YLPM1: variants seen among roughly 807,000 people sequenced by gnomAD.
YLPM1 encodes YLP motif-containing protein 1.
YLPM1 carries 99 observed loss-of-function variants against 230.0 expected under a neutral mutation model. The ratio of observed to expected loss-of-function variants is 0.43; its 90% CI spans 0.37 to 0.51. The LOEUF is 0.51. Ranked by LOEUF, YLPM1 falls within the 20% of genes least tolerant of loss-of-function variation. The pLI, the probability that YLPM1 is intolerant of heterozygous loss-of-function variation, is 0.00. For missense variants in YLPM1, 2,592 were observed against 2,707.7 expected (o/e 0.96, Z 0.95); for synonymous variants, 984 against 942.5 (o/e 1.04, Z -0.81).
chr14:74,794,599 CT>C (rs57279878), intron 4 of YLPM1, among the ~76,000 whole-genome samples: 28 of 149,726 alleles, frequency 1.9e-4, no homozygotes, highest in African/African-American at 6.6e-4. Context: ...CACACAAAGT[CT>C]TTTTTTTTTG....
intron 1 of YLPM1, among the ~76,000 whole-genome samples, chr14:74,772,002 C>G (rs1250614907): frequency 6.6e-6 from 1 of 152,116 alleles, no homozygotes; most frequent in East Asian, 1.9e-4. Context: ...CTCCCTGCCC[C>G]CTGCTTTAGA....
Position 74,782,125 on chromosome 14 carries a change from A to C in YLPM1, c.2082A>C (p.Pro694=). 5 of 1,613,866 alleles carry C rather than the reference A, an allele frequency of 3.1e-6. No homozygotes were observed. The highest frequency in any genetic ancestry group is 3.4e-6 in the Non-Finnish European group (4 of 1,179,850). The part of the protein sequence containing the change: ...TYHPPLQSAG[P]SEQVNSKAPL... ...ATCCTCCGTTGCAATCAGCTGGTCC[A>C]TCAGAACAAGTGAATTCAAAAGCTC... Residue 694 remains proline, a synonymous_variant, in exon 4 of 21, where the codon CCA becomes CCC. Coordinates refer to ENST00000325680, the MANE Select transcript of YLPM1 (RefSeq NM_019589.3).
In YLPM1 at chr14:74,780,464, GCAGCAGCAC is replaced by G; in HGVS notation, c.1179_1187del (p.Gln394_His396del). The G allele has an allele frequency of 6.2e-7, 1 of 1,613,922 alleles. No homozygotes were observed. ...AGTTGCAGGCTGCAGCAGCACACTG[GCAGCAGCAC>G]CAGCAGCATCGAGTCGGTTTCCAGT... is the stretch of plus-strand genomic sequence containing the variant. On this transcript the variant is annotated inframe_deletion, in exon 3 of 21. Coordinates refer to ENST00000325680, the MANE Select transcript of YLPM1 (RefSeq NM_019589.3).
At chr14:74,822,377 G>A (rs2091528779) in intron 17 of YLPM1, among the ~76,000 whole-genome samples, 1 of 152,132 alleles carries the variant, frequency 6.6e-6, no homozygotes, top group Non-Finnish European at 1.5e-5. Context: ...TTGCTTAGGT[G>A]TAGGTCAAAA....
At chr14:74,828,989 A>G (rs563292239) in intron 18 of YLPM1, among the ~76,000 whole-genome samples, 2 of 152,330 alleles carry the variant, frequency 1.3e-5, no homozygotes, top group East Asian at 3.9e-4. Context: ...TCTTAAACCA[A>G]CATCGTAAAC....
At chr14:74,830,709 G>C (rs1469501578) in intron 19 of YLPM1, among the ~76,000 whole-genome samples, 1 of 152,180 alleles carries the variant, frequency 6.6e-6, no homozygotes, top group East Asian at 1.9e-4. Flanking sequence ...CTTCAATTAT[G>C]GTGGAAGACA....
chr14:74,770,896 A>G (rs2140072595), intron 1 of YLPM1, among the ~76,000 whole-genome samples: 1 of 152,342 alleles, frequency 6.6e-6, no homozygotes, highest in East Asian at 1.9e-4. Context: ...GAGAATAGTT[A>G]TTGAAGTAAT....
chr14:74,814,909 T>A (rs1361169224), intron 11 of YLPM1, among the ~76,000 whole-genome samples: 2 of 152,242 alleles, frequency 1.3e-5, no homozygotes, highest in African/African-American at 2.4e-5. Flanking sequence ...TTGTTATAGG[T>A]CTATTCAGAT....
chr14:74,793,871 G>A (rs1055939687), intron 4 of YLPM1, among the ~76,000 whole-genome samples: 2 of 152,166 alleles, frequency 1.3e-5, no homozygotes, highest in Admixed American at 1.3e-4. Flanking sequence ...TTAGCCCCAA[G>A]TTTTACTCCT....
In YLPM1 at chr14:74,763,811, C is replaced by G; in HGVS notation, c.322C>G (p.Pro108Ala). ...CTGGCAGCCGCCACCGCCACCGATG[C>G]CCCCGCCACCCGGGCCGGCCCTCAG... ...GDWQPPPPPM[P>A]PPPGPALSYQ... Residue 108 changes from proline to alanine, a missense_variant, in exon 1 of 21, where the codon CCC becomes GCC. Coordinates refer to ENST00000325680, the MANE Select transcript of YLPM1 (RefSeq NM_019589.3). 1 of 1,509,632 alleles carries G rather than the reference C, an allele frequency of 6.6e-7. No individual in the cohort carries two copies. The highest frequency in any genetic ancestry group is 8.9e-7 in the Non-Finnish European group (1 of 1,128,942). 93.5% of individuals were successfully genotyped at this position (1,509,632 alleles called of 1,614,324 possible).
At chr14:74,834,704 G>T (rs970397241) in intron 19 of YLPM1, among the ~76,000 whole-genome samples, 2 of 152,188 alleles carry the variant, frequency 1.3e-5, no homozygotes, top group African/African-American at 4.8e-5. Context: ...GAAATGGTGC[G>T]ATGCGCTCTG....
rs892231564 is a variant in YLPM1 at position 74,809,231 on chromosome 14, T to G, written c.4522-149T>G. 3.9e-5 allele frequency: 40 copies of G among 1,031,450 alleles called. No individual in the cohort carries two copies. In the African/African-American group the frequency reaches 4.2e-4, roughly 11 times the overall value. The allele number at this position is 1,031,450 out of a possible 1,614,324, so 63.9% of individuals were successfully genotyped here. Reference sequence around the variant, plus strand: ...CTTTCTGTGGCTTGTCCTCATTTTTTTTGATGGTATGTTTTGAAGCACGAA... The same window carrying G: ...CTTTCTGTGGCTTGTCCTCATTTTTGTTGATGGTATGTTTTGAAGCACGAA... On this transcript the variant is annotated intron_variant, in intron 6 of 20. Coordinates refer to ENST00000325680, the MANE Select transcript of YLPM1 (RefSeq NM_019589.3).
Position 74,765,258 on chromosome 14 carries a change from T to C in YLPM1, c.873+896T>C, listed in dbSNP as rs550656591. 3.1e-4 allele frequency among the ~76,000 whole-genome samples: 47 copies of C among 152,252 alleles called. 1 individual carries two copies. In the South Asian group the frequency reaches 8.7e-3, roughly 28 times the overall value. The stretch of plus-strand genomic sequence containing the variant: ...AATCAATTGTTATGATTTCCTAAAG[T>C]AGACACTTTTTCAGCGATTACTAAT... On this transcript the variant is annotated intron_variant, in intron 1 of 20. Coordinates refer to ENST00000325680, the MANE Select transcript of YLPM1 (RefSeq NM_019589.3).
chr14:74,820,975 T>C, intron 16 of YLPM1, 82 bp from the exon 17 acceptor site: 2 of 1,363,598 alleles, frequency 1.5e-6, no homozygotes, highest in Non-Finnish European at 1.9e-6. Context: ...GCAACTGTAT[T>C]CATTCCAGAT....
At chr14:74,770,181 C>CAA (rs749198220) in intron 1 of YLPM1, among the ~76,000 whole-genome samples, 1 of 119,584 alleles carries the variant, frequency 8.4e-6, no homozygotes, top group Non-Finnish European at 1.8e-5. Flanking sequence ...GACTCCGACT[C>CAA]AAAAAAAAAA....
In YLPM1 at chr14:74,780,395, T is replaced by C; in HGVS notation, c.1111-10T>C. ...GACTTACATAAAGATGTGTCCTCTT[T>C]TATCTTTAGTCTGAGGACCCAGAAG... is the stretch of plus-strand genomic sequence containing the variant. On this transcript the variant is annotated splice_polypyrimidine_tract_variant and intron_variant, in intron 2 of 20. Transcript: ENST00000325680. 2 of 1,603,984 alleles carry C rather than the reference T, an allele frequency of 1.2e-6. No individual in the cohort carries two copies. Among genetic ancestry groups the C allele is most frequent in the Non-Finnish European group, 1.7e-6 (2 of 1,175,106 alleles).
intron 4 of YLPM1, among the ~76,000 whole-genome samples, chr14:74,787,895 A>G (rs190525413): frequency 9.2e-5 from 14 of 152,192 alleles, no homozygotes; most frequent in African/African-American, 2.9e-4. Flanking sequence ...CACACCTGCA[A>G]TCTCAGCTAC....
intron 18 of YLPM1, among the ~76,000 whole-genome samples, chr14:74,826,000 T>G (rs1160661466): frequency 6.6e-6 from 1 of 152,204 alleles, no homozygotes; most frequent in Non-Finnish European, 1.5e-5. Flanking sequence ...TTATACAAAT[T>G]TTCAGTTTTA....
In YLPM1 at chr14:74,817,248, C is replaced by A; in HGVS notation, c.5917C>A (p.His1973Asn). 6.3e-7 allele frequency: 1 copy of A among 1,596,284 alleles called. No individual in the cohort carries two copies. The highest frequency in any genetic ancestry group is 1.1e-5 in the South Asian group (1 of 87,994). ...DNQTCGKRNIHGRKLKEINKM... is the reference protein window; with the variant it reads ...DNQTCGKRNINGRKLKEINKM... The stretch of plus-strand genomic sequence containing the variant: ...CCAGACTTGTGGCAAGAGAAATATT[C>A]ATGGAAGAAAGCTTAAAGAAATAAA... Residue 1973 changes from histidine to asparagine, a missense_variant, in exon 15 of 21, where the codon CAT (histidine) becomes AAT (asparagine). Around this residue, in one of 4 missense-constraint regions of YLPM1, gnomAD observed 315 missense variants for 429.3 expected, o/e 0.73. Transcript: ENST00000325680.
Sources: allele counts gnomAD v4.1 joint callset (sites outside exome capture counted in the v4.1 genomes callset), GRCh38; gene constraint gnomAD v4.1.1; regional missense constraint gnomAD v4.1.1; transcripts MANE v1.5; gene names NCBI Gene and HGNC (gene_info 2026-07-23, HGNC 2026-07-21).